Variants in MYO16 observed in about 807,000 individuals in gnomAD.
The protein encoded by MYO16 is myosin XVI.
Under a neutral mutation model 205.3 loss-of-function variants are expected in MYO16, and 94 were observed. The ratio of observed to expected loss-of-function variants is 0.46; its 90% CI spans 0.39 to 0.54. The LOEUF is 0.54. Among genes scored for constraint, MYO16 ranks in the 20% least tolerant of loss-of-function variants. MYO16 has a pLI of 0.00. For missense variants in MYO16, 2,315 were observed against 2,387.5 expected, an observed-to-expected ratio of 0.97 and a Z score of 0.63; for synonymous variants, 988 against 954.0, an observed-to-expected ratio of 1.04 and a Z score of -0.66.
chr13:108,645,486 A>G (rs939374953), intron 1 of MYO16, among the ~76,000 whole-genome samples: 2 of 152,106 alleles, frequency 1.3e-5, no homozygotes, highest in Non-Finnish European at 2.9e-5. Context: ...CAGAGAACTC[A>G]AACTTGCCTA....
intron 6 of MYO16, among the ~76,000 whole-genome samples, chr13:108,795,879 T>A (rs1594300379): frequency 6.6e-6 from 1 of 150,700 alleles, no homozygotes; most frequent in East Asian, 1.9e-4. Flanking sequence ...CCATTTTGGA[T>A]AGATAGAGAG....
At chr13:108,661,317 G>A (rs117140094) in intron 1 of MYO16, among the ~76,000 whole-genome samples, 2,704 of 152,088 alleles carry the variant, frequency 0.018, 47 homozygotes, top group Non-Finnish European at 0.031. Flanking sequence ...CTTCTATTTA[G>A]ATGTCTAGGT....
chr13:109,033,446 G>A (rs188793938), intron 23 of MYO16, among the ~76,000 whole-genome samples: 55 of 152,014 alleles, frequency 3.6e-4, no homozygotes, highest in Non-Finnish European at 6.9e-4. Context: ...TCTTTCTTTA[G>A]GAGTCCTAAA....
At chr13:109,053,324 TGTGA>T (rs140546627) in intron 25 of MYO16, among the ~76,000 whole-genome samples, 15,402 of 151,998 alleles carry the variant, frequency 0.1, 982 homozygotes, top group South Asian at 0.14. Flanking sequence ...TGTGAGTGAG[TGTGA>T]GTGTGTGCTC....
At chr13:108,563,796 CA>C in the MYO16 span, among the ~76,000 whole-genome samples, 39 of 152,300 alleles carry the variant, frequency 2.6e-4, no homozygotes, top group Non-Finnish European at 4.9e-4. Flanking sequence ...AGTGCTATAA[CA>C]AACATGGGAG....
intron 32 of MYO16, among the ~76,000 whole-genome samples, chr13:109,143,344 ATTGT>A (rs1264925995): frequency 5.3e-5 from 8 of 152,266 alleles, no homozygotes; most frequent in South Asian, 2.1e-4. Context: ...AAATAAGCTA[ATTGT>A]TTGTTTAGCT....
At chr13:108,758,316 A>G (rs184344369) in intron 4 of MYO16, among the ~76,000 whole-genome samples, 4 of 152,300 alleles carry the variant, frequency 2.6e-5, no homozygotes, top group Admixed American at 6.5e-5. Context: ...TTTGTTTCCT[A>G]TAAGTCAGTA....
chr13:108,809,377 ACTGG>A (rs1424583341), intron 7 of MYO16, among the ~76,000 whole-genome samples: 1 of 152,122 alleles, frequency 6.6e-6, no homozygotes, highest in Non-Finnish European at 1.5e-5. Flanking sequence ...ACTTCCTGAG[ACTGG>A]GTAATTTATA....
chr13:108,576,263 G>A, the MYO16 span, among the ~76,000 whole-genome samples: 10 of 152,300 alleles, frequency 6.6e-5, no homozygotes, highest in African/African-American at 2.4e-4. Flanking sequence ...CTCCTAGAAG[G>A]AGGAATCCTC....
chr13:108,898,361 T>TGTGTGTGTGC (rs1555310481), intron 15 of MYO16, among the ~76,000 whole-genome samples: 1 of 150,154 alleles, frequency 6.7e-6, no homozygotes, highest in Admixed American at 6.6e-5. Flanking sequence ...AGTGTGTGTG[T>TGTGTGTGTGC]GTGTGTGTGT....
chr13:108,698,533 C>T (rs541901006), intron 2 of MYO16, among the ~76,000 whole-genome samples: 3 of 152,072 alleles, frequency 2.0e-5, no homozygotes, highest in Non-Finnish European at 2.9e-5. Context: ...TTAATTAAAA[C>T]CTGACAAGAT....
chr13:109,132,399 A>G (rs569539549), intron 31 of MYO16, among the ~76,000 whole-genome samples: 1 of 152,322 alleles, frequency 6.6e-6, no homozygotes, highest in East Asian at 1.9e-4. Context: ...GTGTAGACAC[A>G]ATCATGGCTC....
chr13:108,727,468 C>T lies in MYO16; in HGVS notation c.392C>T (p.Ala131Val). Residue 131 changes from alanine (A) to valine (V), a missense_variant, in exon 4 of 35, where the codon GCA becomes GTA. This residue lies in a region of MYO16 where 1,213 missense variants were observed against 1,274.4 expected (regional missense o/e 0.95). Transcript: ENST00000457511. Reference protein sequence around the residue: ...LCARYDNAFIAEILIDRGVNV... With the variant: ...LCARYDNAFIVEILIDRGVNV... ...GCTCGGTATGATAATGCCTTCATTG[C>T]AGAAATTCTGATTGACAGAGGAGTC... is the stretch of plus-strand genomic sequence containing the variant. The T allele has an allele frequency of 6.2e-7, 1 of 1,613,802 alleles. No individual in the cohort carries two copies. Among genetic ancestry groups the T allele is most frequent in the Non-Finnish European group, 8.5e-7 (1 of 1,179,874 alleles).
chr13:109,095,851 A>C (rs951192224), intron 27 of MYO16, among the ~76,000 whole-genome samples: 1 of 152,366 alleles, frequency 6.6e-6, no homozygotes, highest in Middle Eastern at 3.4e-3. Flanking sequence ...CCGAAGGCCA[A>C]CAAACCAAGA....
chr13:108,653,932 G>A (rs957525103), intron 1 of MYO16, among the ~76,000 whole-genome samples: 1 of 152,132 alleles, frequency 6.6e-6, no homozygotes, highest in Non-Finnish European at 1.5e-5. Context: ...GCAGGGCATA[G>A]AACAGAAAAG....
Position 109,094,126 on chromosome 13 carries a change from CTCCCTCATTG to C in MYO16, c.3336-6656_3336-6647del, listed in dbSNP as rs1458824477. Among the ~76,000 whole-genome samples, 12 of 152,304 alleles carry C rather than the reference CTCCCTCATTG, an allele frequency of 7.9e-5. No individual in the cohort carries two copies. In the South Asian group the frequency reaches 1.0e-3, roughly 13 times the overall value. On this transcript the variant is annotated intron_variant, in intron 27 of 34. Coordinates refer to ENST00000457511, the MANE Select transcript of MYO16 (RefSeq NM_001198950.3). ...GTTCCCCCAGAGAAGCCACAGCTTC[CTCCCTCATTG>C]TCAGGTGTCTGCTCACAGTGAAAGC...
chr13:108,683,071 A>T (rs1278949859), intron 2 of MYO16, among the ~76,000 whole-genome samples: 1 of 152,166 alleles, frequency 6.6e-6, no homozygotes, highest in Non-Finnish European at 1.5e-5. Flanking sequence ...AATTCTATTC[A>T]TCTTAATGCC....
chr13:108,622,192 C>A lies in MYO16; in HGVS notation c.-39+25953C>A, dbSNP rs146133923. 1.4e-3 allele frequency among the ~76,000 whole-genome samples: 215 copies of A among 152,276 alleles called. 1 individual carries two copies. Among genetic ancestry groups the A allele is most frequent in the African/African-American group, 5.0e-3 (208 of 41,572 alleles). On this transcript the variant is annotated intron_variant, in intron 1 of 24. Transcript: ENST00000251041. ...AGGCAGTGATGTCTTCAAGGCAAAT[C>A]ACATAATAAATATTTTCATGAATAT...
chr13:108,603,416 A>C (rs1022954), intron 1 of MYO16, among the ~76,000 whole-genome samples: 46,695 of 152,056 alleles, frequency 0.31, 7,437 homozygotes, highest in East Asian at 0.5. Flanking sequence ...TGGACTTAAT[A>C]TGAAATATGT....
Sources: allele counts gnomAD v4.1 joint callset (sites outside exome capture counted in the v4.1 genomes callset), GRCh38; gene constraint gnomAD v4.1.1; regional missense constraint gnomAD v4.1.1; transcripts MANE v1.5; gene names NCBI Gene and HGNC (gene_info 2026-07-23, HGNC 2026-07-21).